C12orf42: variants seen among roughly 807,000 people sequenced by gnomAD.
C12orf42 encodes the protein uncharacterized protein C12orf42.
C12orf42 carries 25 observed loss-of-function variants against 21.6 expected under a neutral mutation model. The observed-to-expected ratio is 1.16, with a 90% CI of 0.84 to 1.62. The LOEUF is 1.62. C12orf42 is among the 40% of genes most tolerant of loss of function. C12orf42 has a pLI of 0.00. For synonymous variants in C12orf42, 174 were observed against 175.0 expected (o/e 0.99, Z 0.05); for missense variants, 483 against 459.3 (o/e 1.05, Z -0.47).
rs557317261 is a variant in C12orf42, at chr12:103,295,717, C to T, written n.338-18507G>A. Reference sequence around the variant, plus strand: ...GCCTTGCATAAATAATGATAATATACGTACTAATTATTGCTGATATTAGTC... The same window carrying T: ...GCCTTGCATAAATAATGATAATATATGTACTAATTATTGCTGATATTAGTC... On this transcript the variant is annotated intron_variant and non_coding_transcript_variant, in intron 4 of 6. Transcript: ENST00000546526. 4.5e-4 allele frequency among the ~76,000 whole-genome samples: 69 copies of T among 152,130 alleles called. No homozygotes were observed. In the South Asian group the frequency reaches 8.1e-3, roughly 18 times the overall value.
intron 2 of C12orf42, among the ~76,000 whole-genome samples, chr12:103,421,651 T>A (rs2049922269): frequency 6.6e-6 from 1 of 151,814 alleles, no homozygotes; most frequent in Non-Finnish European, 1.5e-5. Flanking sequence ...GCAAATGAAC[T>A]AAATAAAACT....
chr12:103,363,987 C>T (rs190707397), intron 4 of C12orf42, among the ~76,000 whole-genome samples: 2 of 152,184 alleles, frequency 1.3e-5, no homozygotes, highest in East Asian at 3.9e-4. Flanking sequence ...TACCCTAGAA[C>T]AAATGGACTT....
intron 2 of C12orf42, among the ~76,000 whole-genome samples, chr12:103,418,687 T>C (rs989881965): frequency 6.6e-6 from 1 of 152,124 alleles, no homozygotes; most frequent in Admixed American, 6.5e-5. Context: ...CATGAGCAGC[T>C]ACTGTGATAC....
intron 3 of C12orf42, among the ~76,000 whole-genome samples, chr12:103,393,156 A>C (rs187515661): frequency 6.6e-6 from 1 of 152,270 alleles, no homozygotes; most frequent in Admixed American, 6.5e-5. Flanking sequence ...AGACCGGGTA[A>C]TTTATAAGAA....
chr12:103,069,261 T>A, the C12orf42 span, among the ~76,000 whole-genome samples: 2 of 151,960 alleles, frequency 1.3e-5, no homozygotes, highest in South Asian at 4.2e-4. Context: ...TTCTTTATCT[T>A]GCAATATATT....
the C12orf42 span, among the ~76,000 whole-genome samples, chr12:103,553,264 C>T: frequency 5.9e-5 from 9 of 152,270 alleles, no homozygotes; most frequent in African/African-American, 2.2e-4. Context: ...GGTTGAGAGC[C>T]ACTGGTCGAA....
intron 2 of C12orf42, among the ~76,000 whole-genome samples, chr12:103,474,092 G>A (rs1391778590): frequency 6.6e-6 from 1 of 152,028 alleles, no homozygotes; most frequent in Non-Finnish European, 1.5e-5. Context: ...TTCAGTTTTA[G>A]AAGTGGAAAA....
the C12orf42 span, among the ~76,000 whole-genome samples, chr12:103,079,384 G>C: frequency 6.6e-6 from 1 of 152,154 alleles, no homozygotes; most frequent in Non-Finnish European, 1.5e-5. Context: ...GGTTCTGAAA[G>C]TGTATAGGTC....
the C12orf42 span, among the ~76,000 whole-genome samples, chr12:103,072,715 G>A: frequency 3.3e-5 from 5 of 152,160 alleles, no homozygotes; most frequent in East Asian, 1.9e-4. Context: ...ACAAAGTTAC[G>A]CTTCCACCAA....
rs762594015 is a variant in C12orf42, at chr12:103,302,133, G to C, written c.1058C>G (p.Pro353Arg). The C allele has an allele frequency of 5.0e-6, 8 of 1,612,676 alleles. No homozygotes were observed. Among genetic ancestry groups the C allele is most frequent in the Non-Finnish European group, 6.8e-6 (8 of 1,179,310 alleles). The change falls in exon 6 of 6, where the codon CCG (proline) becomes CGG (arginine). Residue 353 changes from proline to arginine, a missense_variant. Coordinates refer to ENST00000548883, the MANE Select transcript of C12orf42 (RefSeq NM_198521.5). ...TCAATGTAAGTGAGCATTCACCACC[G>C]GCCTAGAAAGGGCCTGTGAACAAAC... ...HTVCSQALSR[P>R]VVNAHLH
chr12:103,218,067 G>A, the C12orf42 span, among the ~76,000 whole-genome samples: 1 of 152,140 alleles, frequency 6.6e-6, no homozygotes, highest in African/African-American at 2.4e-5. Context: ...GATTACCTGA[G>A]GTCAGGAGTT....
chr12:103,173,860 C>T, the C12orf42 span, among the ~76,000 whole-genome samples: 1 of 152,136 alleles, frequency 6.6e-6, no homozygotes, highest in African/African-American at 2.4e-5. Context: ...CCTCTATTTA[C>T]TCATATTGCT....
chr12:103,083,990 T>G, the C12orf42 span, among the ~76,000 whole-genome samples: 212 of 152,328 alleles, frequency 1.4e-3, 2 homozygotes, highest in Non-Finnish European at 2.3e-3. Flanking sequence ...CTTGGTATAG[T>G]AAGTATTTAG....
intron 4 of C12orf42, among the ~76,000 whole-genome samples, chr12:103,362,544 G>A (rs2137732943): frequency 6.6e-6 from 1 of 152,096 alleles, no homozygotes; most frequent in East Asian, 1.9e-4. Flanking sequence ...AATTCAGTAG[G>A]TCAATTAAGG....
chr12:103,057,698 A>T, the C12orf42 span, among the ~76,000 whole-genome samples: 6 of 152,218 alleles, frequency 3.9e-5, no homozygotes, highest in South Asian at 8.3e-4. Flanking sequence ...ATGATTTATA[A>T]TCCTTTAGGT....
At chr12:103,184,662 A>G in the C12orf42 span, among the ~76,000 whole-genome samples, 657 of 151,438 alleles carry the variant, frequency 4.3e-3, 6 homozygotes, top group African/African-American at 0.015. Context: ...AGTCAAAGAC[A>G]TGGGGGCAGA....
intron 1 of C12orf42, among the ~76,000 whole-genome samples, chr12:103,495,504 G>T (rs1955476429): frequency 6.6e-6 from 1 of 151,994 alleles, no homozygotes; most frequent in Admixed American, 6.6e-5. Flanking sequence ...CGGTGGCATC[G>T]CTGCGCGGGG....
chr12:103,295,918 G>A (rs1467535039), intron 4 of C12orf42, among the ~76,000 whole-genome samples: 1 of 151,718 alleles, frequency 6.6e-6, no homozygotes, highest in East Asian at 1.9e-4. Context: ...CAACGTGCAG[G>A]TTTGTTACAT....
Position 103,281,707 on chromosome 12 carries a change from G to T in C12orf42, n.338-4497C>A, listed in dbSNP as rs117608548. On this transcript the variant is annotated intron_variant and non_coding_transcript_variant, in intron 4 of 6. Transcript: ENST00000546526. ...GTCTCACTCTGTAGCCCAGGTTGGA[G>T]TGCAGTGGTGCAGTCATAGCTCACT... Among the ~76,000 whole-genome samples, 1,322 of 152,116 alleles carry T rather than the reference G, an allele frequency of 8.7e-3. 18 individuals are homozygous for T. The highest frequency in any genetic ancestry group is 0.024 in the African/African-American group (978 of 41,468).
Sources: allele counts gnomAD v4.1 joint callset (sites outside exome capture counted in the v4.1 genomes callset), GRCh38; gene constraint gnomAD v4.1.1; transcripts MANE v1.5; gene names NCBI Gene and HGNC (gene_info 2026-07-23, HGNC 2026-07-21).